Variants in BRF1 observed in about 807,000 individuals in gnomAD.
BRF1 encodes the protein BRF1 general transcription factor IIIB subunit, also known as transcription factor IIIB 90 kDa subunit.
Under a neutral mutation model 81.7 loss-of-function variants are expected in BRF1, and 59 were observed. The ratio of observed to expected loss-of-function variants is 0.72; its 90% CI spans 0.59 to 0.90. BRF1 has a LOEUF of 0.90. Among genes scored for constraint, BRF1 ranks in the 40% least tolerant of loss-of-function variants. The pLI, the probability that BRF1 is intolerant of heterozygous loss-of-function variation, is 0.00. For missense variants in BRF1, 1,050 were observed against 936.3 expected (o/e 1.12, Z -1.58); for synonymous variants, 491 against 395.6 (o/e 1.24, Z -2.86).
At chr14:105,242,438 T>TA (rs1381946878) in intron 5 of BRF1, 3 of 151,920 alleles carry the variant, frequency 2.0e-5, no homozygotes, top group South Asian at 2.1e-4. Flanking sequence ...AAGAGAACGA[T>TA]AAAAAATATG....
rs1364525495 is a variant in BRF1, at chr14:105,285,957, G to A, written c.265+339C>T. On this transcript the variant is annotated intron_variant, in intron 2 of 17. Coordinates refer to ENST00000547530, the MANE Select transcript of BRF1 (RefSeq NM_001519.4). ...ACATTTCTCCAGTTTGTGGTGAACT[G>A]GCACTTTGACAAAACGCAGTGAGAA... Among the ~76,000 whole-genome samples the A allele has an allele frequency of 3.3e-5, 5 of 152,310 alleles. No homozygotes were observed. The East Asian group carries it at 9.6e-4, about 29-fold the overall frequency.
At position 105,241,290 on chromosome 14, in the gene BRF1, C is replaced by T. The variant is rs764946981; in HGVS notation, c.669G>A (p.Arg223=). 3.1e-6 allele frequency: 5 copies of T among 1,612,202 alleles called. No homozygotes were observed. The highest frequency in any genetic ancestry group is 1.7e-5 in the Admixed American group (1 of 59,992). The part of the protein sequence containing the change: ...RMKRDWMHTG[R]RPSGLCGAAL... ...CTGCTCCGCAGAGGCCCGAGGGGCG[C>T]CGGCCTGTGTGCATCCAGTCCCGCT... is the stretch of plus-strand genomic sequence containing the variant. The change falls in exon 6 of 18, where the codon CGG becomes CGA. Residue 223 remains arginine, a synonymous_variant. Transcript: ENST00000547530.
At chr14:105,228,793 C>T (rs1251247644) in intron 7 of BRF1, 27 bp downstream of exon 7, 2 of 1,612,256 alleles carry the variant, frequency 1.2e-6, no homozygotes, top group Non-Finnish European at 1.7e-6. Flanking sequence ...CTGTGTGGTC[C>T]CCATGCCATG....
chr14:105,311,822 CT>C (rs1364352896), intron 1 of BRF1, among the ~76,000 whole-genome samples: 2 of 152,300 alleles, frequency 1.3e-5, no homozygotes, highest in Admixed American at 1.3e-4. Flanking sequence ...CCTGCTGTAC[CT>C]TTTTTGTGAC....
At chr14:105,311,322 T>G (rs1240839742) in intron 1 of BRF1, among the ~76,000 whole-genome samples, 4 of 152,152 alleles carry the variant, frequency 2.6e-5, no homozygotes, top group Non-Finnish European at 5.9e-5. Context: ...GGTGTGATCC[T>G]GGTTCACTGC....
intron 14 of BRF1, among the ~76,000 whole-genome samples, chr14:105,218,419 C>A (rs1001246217): frequency 6.6e-6 from 1 of 152,190 alleles, no homozygotes; most frequent in Non-Finnish European, 1.5e-5. Flanking sequence ...ACAAGCTCCC[C>A]GGGTCCTGCT....
At chr14:105,288,531 T>C (rs1468543346) in intron 1 of BRF1, among the ~76,000 whole-genome samples, 1 of 151,910 alleles carries the variant, frequency 6.6e-6, no homozygotes, top group Admixed American at 6.6e-5. Flanking sequence ...GGCTCACACC[T>C]GTGGTCCCAA....
At chr14:105,223,133 C>T (rs1193902870) in intron 10 of BRF1, among the ~76,000 whole-genome samples, 1 of 152,126 alleles carries the variant, frequency 6.6e-6, no homozygotes, top group East Asian at 1.9e-4. Context: ...GTTGACACTG[C>T]AGTGAGCTAT....
chr14:105,270,752 C>A (rs1188352414), intron 3 of BRF1, among the ~76,000 whole-genome samples: 1 of 151,520 alleles, frequency 6.6e-6, no homozygotes, highest in African/African-American at 2.4e-5. Flanking sequence ...GATACTACCA[C>A]TGCACTCCAG....
intron 2 of BRF1, among the ~76,000 whole-genome samples, chr14:105,279,276 C>T (rs1249410834): frequency 2.0e-5 from 3 of 152,138 alleles, no homozygotes; most frequent in Non-Finnish European, 4.4e-5. Context: ...AGACAAGCTA[C>T]AGACGTGGGA....
upstream of BRF1, among the ~76,000 whole-genome samples, chr14:105,301,963 C>G (rs1434511775): frequency 6.6e-6 from 1 of 152,080 alleles, no homozygotes; most frequent in African/African-American, 2.4e-5. Context: ...ATGGCGAAAC[C>G]CCGTCTCCAC....
chr14:105,212,255 G>T, intron 15 of BRF1, 91 bp from the exon 16 acceptor site: 1 of 1,493,592 alleles, frequency 6.7e-7, no homozygotes, highest in Non-Finnish European at 9.0e-7. Context: ...CTTTCCCAGT[G>T]TTAATTGACT....
Position 105,269,936 on chromosome 14 carries a change from C to T in BRF1, c.439+2785G>A, listed in dbSNP as rs1445646737. Among the ~76,000 whole-genome samples the T allele has an allele frequency of 6.6e-6, 1 of 152,158 alleles. No homozygotes were observed. Among genetic ancestry groups the T allele is most frequent in the Non-Finnish European group, 1.5e-5 (1 of 68,026 alleles). Reference sequence around the variant, plus strand: ...ACCCTGGGCTCTGCTCAGCTTCTCGCTCAGGACCTTGGTCTGCTTCTAAGA... The same window carrying T: ...ACCCTGGGCTCTGCTCAGCTTCTCGTTCAGGACCTTGGTCTGCTTCTAAGA... On this transcript the variant is annotated intron_variant, in intron 3 of 17. Transcript: ENST00000547530. This position sits in a 1 kb window ranked among gnomAD's most constrained non-coding sequence, Gnocchi z 5.0.
At position 105,256,511 on chromosome 14, in the gene BRF1, T is replaced by G. The variant is rs1255858997; in HGVS notation, c.471+7A>C. The G allele has an allele frequency of 6.2e-7, 1 of 1,614,022 alleles. No homozygotes were observed. The highest frequency in any genetic ancestry group is 8.5e-7 in the Non-Finnish European group (1 of 1,180,042). On this transcript the variant is annotated splice_region_variant and intron_variant, in intron 4 of 17. Coordinates refer to ENST00000547530, the MANE Select transcript of BRF1 (RefSeq NM_001519.4). ...GTGGGGAAAGATGCAGGACGGAGGC[T>G]GTCTACCTGGAGCAGGTCGCTGAGG...
Position 105,210,612 on chromosome 14 carries a change from G to A in BRF1, c.1997-24C>T, listed in dbSNP as rs748049449. 1 of 1,610,280 alleles carries A rather than the reference G, an allele frequency of 6.2e-7. No individual in the cohort carries two copies. Among genetic ancestry groups the A allele is most frequent in the Non-Finnish European group, 8.5e-7 (1 of 1,179,688 alleles). The stretch of plus-strand genomic sequence containing the variant: ...GTCTGCAGAAGAGCACAGTCATGAA[G>A]CCCAGGGTCTCTGTGGGACCCAGGA... On this transcript the variant is annotated intron_variant, in intron 17 of 17. Coordinates refer to ENST00000547530, the MANE Select transcript of BRF1 (RefSeq NM_001519.4). The surrounding 1 kb of genome is among the most constrained non-coding windows in gnomAD (Gnocchi z 4.7).
At chr14:105,265,056 TTTTTTTTTGTTTGTTTG>T (rs1361845371) in intron 3 of BRF1, among the ~76,000 whole-genome samples, 5 of 145,494 alleles carry the variant, frequency 3.4e-5, no homozygotes, top group African/African-American at 1.3e-4. Context: ...TTTTTTTTGT[TTTTTTTTTGTTTGTTTG>T]TTTTTTTAGA....
intron 5 of BRF1, among the ~76,000 whole-genome samples, chr14:105,244,733 A>C (rs1181420577): frequency 6.6e-6 from 1 of 152,098 alleles, no homozygotes; most frequent in Non-Finnish European, 1.5e-5. Flanking sequence ...AATTTGACAG[A>C]CTGATTAGGA....
intron 5 of BRF1, among the ~76,000 whole-genome samples, chr14:105,244,283 A>G (rs1372696455): frequency 1.3e-5 from 2 of 151,970 alleles, no homozygotes; most frequent in Admixed American, 1.3e-4. Flanking sequence ...ATCTTTACAA[A>G]AAATGAAAAA....
chr14:105,244,469 A>G (rs947772354), intron 5 of BRF1, among the ~76,000 whole-genome samples: 20 of 151,962 alleles, frequency 1.3e-4, no homozygotes, highest in African/African-American at 4.8e-4. Context: ...ACAAGCAAAA[A>G]GTGTTTTTTT....
Sources: allele counts gnomAD v4.1 joint callset (sites outside exome capture counted in the v4.1 genomes callset), GRCh38; gene constraint gnomAD v4.1.1; non-coding constraint Gnocchi (gnomAD v3.1); transcripts MANE v1.5; gene names NCBI Gene and HGNC (gene_info 2026-07-23, HGNC 2026-07-21).